The following AGBL1 variants were observed in gnomAD, a reference collection of about 807,000 sequenced individuals.
AGBL1 encodes cytosolic carboxypeptidase 4.
A neutral mutation model predicts 118.9 loss-of-function variants in AGBL1; 130 were observed. The observed-to-expected ratio is 1.09, with a 90% confidence interval of 0.95 to 1.26. AGBL1 has a LOEUF of 1.26. AGBL1 is among the 50% of genes most tolerant of loss of function. The pLI, the probability that AGBL1 is intolerant of heterozygous loss-of-function variation, is 0.00. For missense variants in AGBL1, 1,584 were observed against 1,298.1 expected (o/e 1.22, Z -3.38); for synonymous variants, 555 against 478.9 (o/e 1.16, Z -2.08).
Position 86,674,444 on chromosome 15 carries a change from G to A in AGBL1, c.3158+8G>A, listed in dbSNP as rs759540419. The stretch of plus-strand genomic sequence containing the variant: ...GGACCAGCACCTCCAACGGTAAGAT[G>A]CTCCCAAGGGCTCAGAGAAATTTGG... On this transcript the variant is annotated splice_region_variant and intron_variant, in intron 22 of 22. Coordinates refer to ENST00000614907, the MANE Select transcript of AGBL1 (RefSeq NM_001386094.1). The A allele has an allele frequency of 4.5e-5, 72 of 1,594,562 alleles. No individual in the cohort carries two copies. Among genetic ancestry groups the A allele is most frequent in the Admixed American group, 2.7e-4 (16 of 59,134 alleles).
intron 20 of AGBL1, among the ~76,000 whole-genome samples, chr15:86,550,529 A>C (rs2142262630): frequency 6.6e-6 from 1 of 152,274 alleles, no homozygotes. Context: ...ACTAGAGCTA[A>C]GGGTGCAATT....
At chr15:86,923,530 T>G (rs2080501518) in intron 23 of AGBL1, among the ~76,000 whole-genome samples, 1 of 152,238 alleles carries the variant, frequency 6.6e-6, no homozygotes. Flanking sequence ...ACTCTCTCTG[T>G]GCTTCTATCC....
intron 7 of AGBL1, among the ~76,000 whole-genome samples, chr15:86,252,331 G>C (rs1050159036): frequency 6.6e-6 from 1 of 152,162 alleles, no homozygotes; most frequent in Non-Finnish European, 1.5e-5. Context: ...GAATTCTAAA[G>C]AGAATATTAC....
intron 17 of AGBL1, among the ~76,000 whole-genome samples, chr15:86,302,208 G>A (rs528026783): frequency 2.6e-4 from 39 of 152,076 alleles, no homozygotes; most frequent in African/African-American, 8.9e-4. Flanking sequence ...AACCTTAAAG[G>A]TAGTTGAATA....
intron 21 of AGBL1, among the ~76,000 whole-genome samples, chr15:86,566,223 C>T (rs989312990): frequency 6.6e-5 from 10 of 152,210 alleles, no homozygotes; most frequent in Non-Finnish European, 1.3e-4. Context: ...GCATCAGTCA[C>T]ACTGGGAGCT....
At chr15:86,622,785 G>A (rs558927112) in intron 21 of AGBL1, among the ~76,000 whole-genome samples, 46 of 152,252 alleles carry the variant, frequency 3.0e-4, no homozygotes, top group African/African-American at 9.4e-4. Context: ...ACTGTTTACC[G>A]TGTACTTTAT....
chr15:86,310,847 A>T (rs2079909947), intron 17 of AGBL1, among the ~76,000 whole-genome samples: 3 of 152,202 alleles, frequency 2.0e-5, no homozygotes, highest in African/African-American at 7.2e-5. Context: ...ATGGATCATA[A>T]ATTCAAACGT....
intron 21 of AGBL1, among the ~76,000 whole-genome samples, chr15:86,621,139 T>G (rs908822963): frequency 1.3e-5 from 2 of 152,202 alleles, no homozygotes; most frequent in African/African-American, 4.8e-5. Context: ...GTAACAACTG[T>G]GCTTGCAGAT....
intron 24 of AGBL1, among the ~76,000 whole-genome samples, chr15:87,003,619 G>C (rs531664594): frequency 1.3e-5 from 2 of 151,924 alleles, no homozygotes; most frequent in Non-Finnish European, 2.9e-5. Context: ...GACTTTTTTT[G>C]GTTGGTAAGC....
chr15:86,497,584 C>T (rs1799717310), intron 18 of AGBL1, among the ~76,000 whole-genome samples: 1 of 151,820 alleles, frequency 6.6e-6, no homozygotes, highest in Non-Finnish European at 1.5e-5. Flanking sequence ...TGTTCCATGC[C>T]CCTAGGTTAG....
chr15:86,967,424 T>A (rs2081065980), intron 23 of AGBL1, among the ~76,000 whole-genome samples: 1 of 152,154 alleles, frequency 6.6e-6, no homozygotes, highest in South Asian at 2.1e-4. Flanking sequence ...TGAATGGTAT[T>A]GCCTAGGTTT....
At chr15:86,804,336 A>G (rs2078690048) in intron 22 of AGBL1, among the ~76,000 whole-genome samples, 1 of 152,170 alleles carries the variant, frequency 6.6e-6, no homozygotes, top group Non-Finnish European at 1.5e-5. Context: ...CTGACTGTTG[A>G]GAAATTTGGG....
chr15:86,706,766 T>C (rs936106280), intron 22 of AGBL1, among the ~76,000 whole-genome samples: 2 of 152,132 alleles, frequency 1.3e-5, no homozygotes, highest in Non-Finnish European at 2.9e-5. Flanking sequence ...TTTTGCAAAA[T>C]AAGCATATTC....
Position 86,304,925 on chromosome 15 carries a change from A to T in AGBL1, c.2374+9517A>T, listed in dbSNP as rs531560400. 44 of 152,322 alleles carry T rather than the reference A, an allele frequency of 2.9e-4. 1 individual carries two copies. Among genetic ancestry groups the T allele is most frequent in the African/African-American group, 9.6e-4 (40 of 41,574 alleles). 9.4% of individuals were successfully genotyped at this position (152,322 alleles called of 1,614,324 possible). ...CATCCACACTACCTCAAGTGGTATG[A>T]GTCTCCTCACGTTTCTGGTGAAAAC... On this transcript the variant is annotated intron_variant, in intron 17 of 22. Coordinates refer to ENST00000614907, the MANE Select transcript of AGBL1 (RefSeq NM_001386094.1).
intron 22 of AGBL1, among the ~76,000 whole-genome samples, chr15:86,813,076 G>C (rs2078812837): frequency 6.6e-6 from 1 of 152,032 alleles, no homozygotes; most frequent in Non-Finnish European, 1.5e-5. Flanking sequence ...TAGCTGTTGG[G>C]AGATGAAAGA....
intron 1 of AGBL1, among the ~76,000 whole-genome samples, chr15:86,108,310 GTGTCTTC>G (rs1324300548): frequency 2.6e-5 from 4 of 152,160 alleles, no homozygotes; most frequent in Admixed American, 1.3e-4. Context: ...ATGATTTTGA[GTGTCTTC>G]TGTTTAAGGG....
At chr15:86,081,201 G>A (rs1412721826) in intron 1 of AGBL1, among the ~76,000 whole-genome samples, 1 of 152,072 alleles carries the variant, frequency 6.6e-6, no homozygotes, top group African/African-American at 2.4e-5. Context: ...CTGCCACCAT[G>A]CCTGGCTAAT....
intron 6 of AGBL1, among the ~76,000 whole-genome samples, chr15:86,229,648 C>T (rs1022004286): frequency 6.6e-6 from 1 of 152,072 alleles, no homozygotes; most frequent in African/African-American, 2.4e-5. Flanking sequence ...TTCTCATTTC[C>T]CTGTCCACCT....
At chr15:86,660,233 G>T (rs576501262) in intron 21 of AGBL1, among the ~76,000 whole-genome samples, 1 of 151,928 alleles carries the variant, frequency 6.6e-6, no homozygotes, top group Non-Finnish European at 1.5e-5. Flanking sequence ...TACAGGGGCC[G>T]ATTGACCGGG....
Sources: allele counts gnomAD v4.1 joint callset (sites outside exome capture counted in the v4.1 genomes callset), GRCh38; gene constraint gnomAD v4.1.1; transcripts MANE v1.5; gene names NCBI Gene and HGNC (gene_info 2026-07-23, HGNC 2026-07-21).